The following ERG variants were observed in gnomAD, a reference collection of about 807,000 sequenced individuals.
The protein encoded by ERG is transcriptional regulator ERG.
Under a neutral mutation model 55.3 loss-of-function variants are expected in ERG, and 9 were observed. The observed-to-expected ratio is 0.16, with a 90% confidence interval of 0.10 to 0.28. ERG has a LOEUF of 0.28. ERG is among the 10% of genes least tolerant of loss of function. The pLI, the probability that ERG is intolerant of heterozygous loss-of-function variation, is 1.00. For missense variants in ERG, 434 were observed against 631.6 expected, an observed-to-expected ratio of 0.69 and a Z score of 3.35; for synonymous variants, 223 against 237.3, an observed-to-expected ratio of 0.94 and a Z score of 0.55.
chr21:38,421,008 T>C (rs983528679), intron 3 of ERG, among the ~76,000 whole-genome samples: 1 of 152,102 alleles, frequency 6.6e-6, no homozygotes, highest in Admixed American at 6.6e-5. Flanking sequence ...CCAGAGAGTG[T>C]CTGGGCAACA....
chr21:38,402,679 AAG>A (rs552146814), intron 4 of ERG, 42 bp from the exon 5 acceptor site: 76 of 1,172,384 alleles, frequency 6.5e-5, no homozygotes, highest in South Asian at 9.8e-5. Context: ...TGAAAAAAAA[AAG>A]AGAGAGAGAG....
chr21:38,438,014 A>C (rs2058806783), intron 2 of ERG, among the ~76,000 whole-genome samples: 1 of 152,128 alleles, frequency 6.6e-6, no homozygotes, highest in Admixed American at 6.5e-5. Flanking sequence ...CAAACTCATC[A>C]TCTATTACTC....
chr21:38,481,264 CT>C (rs1214353366), intron 1 of ERG, among the ~76,000 whole-genome samples: 1 of 152,196 alleles, frequency 6.6e-6, no homozygotes, highest in Admixed American at 6.5e-5. Context: ...CAAATGCATG[CT>C]TTACTCAGGG....
At chr21:38,616,282 A>G (rs1022204421) in intron 1 of ERG, among the ~76,000 whole-genome samples, 8 of 152,064 alleles carry the variant, frequency 5.3e-5, no homozygotes, top group African/African-American at 1.9e-4. Flanking sequence ...AGTCTTGGGT[A>G]TTTCTTTATA....
chr21:38,657,823 T>C (rs1413135908), intron 1 of ERG, among the ~76,000 whole-genome samples: 2 of 152,116 alleles, frequency 1.3e-5, no homozygotes, highest in Non-Finnish European at 2.9e-5. Flanking sequence ...GAGAATGCTA[T>C]CATGCAAGGA....
At chr21:38,556,507 C>A (rs1601237274) in intron 2 of ERG, among the ~76,000 whole-genome samples, 1 of 152,088 alleles carries the variant, frequency 6.6e-6, no homozygotes, top group African/African-American at 2.4e-5. Context: ...TTTGTGGATA[C>A]AAAAGGGGTG....
intron 2 of ERG, among the ~76,000 whole-genome samples, chr21:38,525,746 C>A (rs1025940249): frequency 3.3e-5 from 5 of 152,196 alleles, no homozygotes; most frequent in Non-Finnish European, 7.3e-5. Context: ...CAAGTTACTG[C>A]AATGTGCAGA....
chr21:38,511,471 C>T (rs1265364259), intron 2 of ERG, among the ~76,000 whole-genome samples: 1 of 152,130 alleles, frequency 6.6e-6, no homozygotes, highest in Non-Finnish European at 1.5e-5. Context: ...TTAGACTGCA[C>T]ATATGTAGGG....
chr21:38,424,187 G>GCTCTCTCTCTCTCTCTCTCT (rs1227355474), intron 2 of ERG, among the ~76,000 whole-genome samples: 12 of 110,158 alleles, frequency 1.1e-4, no homozygotes, highest in African/African-American at 3.8e-4. Flanking sequence ...CAGAGCTCGA[G>GCTCTCTCTCTCTCTCTCTCT]CTCTCTCTCT....
intron 1 of ERG, among the ~76,000 whole-genome samples, chr21:38,600,876 T>C (rs2060160565): frequency 6.6e-6 from 1 of 152,108 alleles, no homozygotes; most frequent in Non-Finnish European, 1.5e-5. Flanking sequence ...ATTTCAAAAC[T>C]CTGCTATCGC....
chr21:38,561,031 T>TA (rs2059889812), intron 2 of ERG, among the ~76,000 whole-genome samples: 1 of 152,228 alleles, frequency 6.6e-6, no homozygotes, highest in Non-Finnish European at 1.5e-5. Flanking sequence ...GGGTTTTTTT[T>TA]AATGTCTTTT....
chr21:38,436,146 G>T (rs1054034011), intron 2 of ERG, among the ~76,000 whole-genome samples: 2 of 147,288 alleles, frequency 1.4e-5, no homozygotes, highest in African/African-American at 2.5e-5. Context: ...CTCAGCCTCC[G>T]GGATTATAGG....
chr21:38,564,319 T>C (rs571865400), intron 2 of ERG, among the ~76,000 whole-genome samples: 1 of 152,028 alleles, frequency 6.6e-6, no homozygotes, highest in South Asian at 2.1e-4. Flanking sequence ...ATTTTCTAAG[T>C]TAAAAGCTAA....
intron 2 of ERG, among the ~76,000 whole-genome samples, chr21:38,518,236 GTA>G (rs1271951140): frequency 3.0e-4 from 44 of 145,474 alleles, no homozygotes; most frequent in African/African-American, 1.0e-3. Context: ...GTGTGTGTGT[GTA>G]TCTATCTATC....
chr21:38,424,423 T>C (rs1446092302), intron 2 of ERG, among the ~76,000 whole-genome samples: 3 of 152,164 alleles, frequency 2.0e-5, no homozygotes, highest in Non-Finnish European at 2.9e-5. Flanking sequence ...ACAGTGCCCA[T>C]ACTGGCTAGA....
intron 2 of ERG, among the ~76,000 whole-genome samples, chr21:38,569,711 T>A (rs1461486870): frequency 6.6e-6 from 1 of 152,170 alleles, no homozygotes; most frequent in Non-Finnish European, 1.5e-5. Context: ...AACTCTCCCC[T>A]CCCTGACAAG....
chr21:38,648,570 T>G (rs1353429377), intron 1 of ERG, among the ~76,000 whole-genome samples: 1 of 152,234 alleles, frequency 6.6e-6, no homozygotes. Context: ...AAATCCCTAC[T>G]GTCTTATAAA....
At chr21:38,453,302 G>T (rs923840080) in intron 1 of ERG, among the ~76,000 whole-genome samples, 2 of 152,212 alleles carry the variant, frequency 1.3e-5, no homozygotes, top group South Asian at 4.1e-4. Flanking sequence ...CTGGAAAGCA[G>T]AAACTCTAGA....
chr21:38,386,859 G>T (rs1346926624), intron 9 of ERG, among the ~76,000 whole-genome samples: 1 of 151,648 alleles, frequency 6.6e-6, no homozygotes, highest in African/African-American at 2.4e-5. Flanking sequence ...TTTTTCTTAG[G>T]GTAATTACCA....
Sources: allele counts gnomAD v4.1 joint callset (sites outside exome capture counted in the v4.1 genomes callset), GRCh38; gene constraint gnomAD v4.1.1; transcripts MANE v1.5; gene names NCBI Gene and HGNC (gene_info 2026-07-23, HGNC 2026-07-21).